Variants in SLIT3 observed in about 807,000 individuals in gnomAD.
SLIT3 encodes slit homolog 3 protein.
A neutral mutation model predicts 184.0 loss-of-function variants in SLIT3; 68 were observed. The ratio of observed to expected loss-of-function variants is 0.37; its 90% CI spans 0.30 to 0.45. The LOEUF is 0.45. SLIT3 is among the 20% of genes least tolerant of loss of function. The pLI is 1.00. For synonymous variants in SLIT3, 831 were observed against 828.6 expected (o/e 1.00, Z -0.05); for missense variants, 1,707 against 2,026.0 (o/e 0.84, Z 3.02).
intron 4 of SLIT3, among the ~76,000 whole-genome samples, chr5:168,945,378 C>G (rs1289313272): frequency 6.6e-6 from 1 of 152,096 alleles, no homozygotes; most frequent in African/African-American, 2.4e-5. Flanking sequence ...GCTGGGACTA[C>G]AGGCATGTGC....
At chr5:169,294,536 G>C (rs1196962932) in intron 1 of SLIT3, among the ~76,000 whole-genome samples, 1 of 152,186 alleles carries the variant, frequency 6.6e-6, no homozygotes, top group Non-Finnish European at 1.5e-5. Flanking sequence ...GCTTCCACAG[G>C]GCTCTGGGTT....
intron 3 of SLIT3, among the ~76,000 whole-genome samples, chr5:169,204,717 G>T (rs1410996255): frequency 6.6e-6 from 1 of 152,146 alleles, no homozygotes; most frequent in African/African-American, 2.4e-5. Flanking sequence ...GTCTGTGGAG[G>T]GTCTCTTCTG....
chr5:169,220,018 C>T (rs563626538), intron 3 of SLIT3, among the ~76,000 whole-genome samples: 13 of 152,328 alleles, frequency 8.5e-5, no homozygotes, highest in African/African-American at 1.9e-4. Context: ...CACTCACACA[C>T]GAGGTGACCA....
At chr5:168,687,254 G>A (rs1029120925) in intron 29 of SLIT3, 138 bp from the exon 30 acceptor site, 3 of 962,188 alleles carry the variant, frequency 3.1e-6, no homozygotes, top group Non-Finnish European at 4.7e-6. Context: ...GCAAAGCCTG[G>A]CTCCACAGCA....
At chr5:168,800,718 T>C (rs1756739045) in intron 9 of SLIT3, among the ~76,000 whole-genome samples, 1 of 152,236 alleles carries the variant, frequency 6.6e-6, no homozygotes, top group South Asian at 2.1e-4. Flanking sequence ...GTGCTGTGTG[T>C]AGACACCTGG....
intron 4 of SLIT3, among the ~76,000 whole-genome samples, chr5:169,003,834 G>A (rs898356735): frequency 6.6e-6 from 1 of 152,008 alleles, no homozygotes; most frequent in African/African-American, 2.4e-5. Flanking sequence ...GATAAGTAAG[G>A]AACAGCTAAA....
chr5:168,960,973 T>G (rs1762984416), intron 4 of SLIT3, among the ~76,000 whole-genome samples: 1 of 152,234 alleles, frequency 6.6e-6, no homozygotes, highest in South Asian at 2.1e-4. Context: ...CAATTTGGAC[T>G]GTAAAGATGG....
At chr5:169,222,038 T>C (rs573498802) in intron 3 of SLIT3, among the ~76,000 whole-genome samples, 1 of 152,350 alleles carries the variant, frequency 6.6e-6, no homozygotes, top group South Asian at 2.1e-4. Context: ...TGTTGTCAAA[T>C]ACTCAAAAGC....
At chr5:169,149,318 T>G (rs1399817728) in intron 4 of SLIT3, among the ~76,000 whole-genome samples, 2 of 151,784 alleles carry the variant, frequency 1.3e-5, no homozygotes, top group Non-Finnish European at 2.9e-5. Flanking sequence ...CAGCCTAAAC[T>G]TATGAGAGAA....
At chr5:168,784,473 C>T (rs1756081505) in intron 12 of SLIT3, among the ~76,000 whole-genome samples, 1 of 152,132 alleles carries the variant, frequency 6.6e-6, no homozygotes, top group Non-Finnish European at 1.5e-5. Context: ...CTTTCAGCTT[C>T]ACTGAAACAA....
In SLIT3 at chr5:169,126,943, G is replaced by A. The variant is rs188716812; in HGVS notation, c.413+66536C>T. Among the ~76,000 whole-genome samples the A allele has an allele frequency of 6.5e-3, 595 of 91,496 alleles. 2 individuals carry two copies. Among genetic ancestry groups the A allele is most frequent in the African/African-American group, 0.02 (555 of 28,148 alleles). The allele number at this position is 91,496 out of a possible 152,430, so 60.0% of individuals were successfully genotyped here. On this transcript the variant is annotated intron_variant, in intron 4 of 35. Coordinates refer to ENST00000519560, the MANE Select transcript of SLIT3 (RefSeq NM_003062.4). Reference sequence around the variant, plus strand: ...CCACTGGGAGTCATCAGGACTTCACGATCCACATAATTACAATGAAAAGTC... The same window carrying A: ...CCACTGGGAGTCATCAGGACTTCACAATCCACATAATTACAATGAAAAGTC...
rs1272307864 is a variant in SLIT3 at position 168,806,464 on chromosome 5, G to A, written c.917C>T (p.Pro306Leu). ...CACTTACATTTCGACGATGCCCTCC[G>A]GCAAGTTGGCAGGAATCTCCATCAA... ...KGLMEIPANL[P>L]EGIVEIRLEQ... The change falls in exon 9 of 36, where the codon CCG becomes CTG. Residue 306 changes from proline to leucine, a missense_variant. Physicochemically the swap from Pro to Leu is moderately conservative, Grantham distance 98 (BLOSUM62 -3). Coordinates refer to ENST00000519560, the MANE Select transcript of SLIT3 (RefSeq NM_003062.4). The A allele has an allele frequency of 5.0e-6, 8 of 1,614,170 alleles. No individual in the cohort carries two copies. The highest frequency in any genetic ancestry group is 2.2e-5 in the East Asian group (1 of 44,866).
chr5:169,067,886 C>T (rs1352587255), intron 4 of SLIT3, among the ~76,000 whole-genome samples: 1 of 152,198 alleles, frequency 6.6e-6, no homozygotes, highest in Non-Finnish European at 1.5e-5. Context: ...GCTGCTAACG[C>T]TCAGGGCATC....
At chr5:169,103,164 G>C (rs555188788) in intron 4 of SLIT3, among the ~76,000 whole-genome samples, 7 of 152,212 alleles carry the variant, frequency 4.6e-5, no homozygotes, top group Non-Finnish European at 1.0e-4. Context: ...TTACAGAGGT[G>C]GAAACCAGAG....
chr5:168,910,601 C>T (rs1486184180), intron 4 of SLIT3, among the ~76,000 whole-genome samples: 1 of 151,820 alleles, frequency 6.6e-6, no homozygotes, highest in Non-Finnish European at 1.5e-5. Context: ...AAAAAATTAG[C>T]CGCGTGTGGT....
At chr5:168,788,622 G>A (rs761063544) in intron 11 of SLIT3, among the ~76,000 whole-genome samples, 3 of 151,330 alleles carry the variant, frequency 2.0e-5, no homozygotes, top group Non-Finnish European at 4.4e-5. Context: ...CTAACTCTGT[G>A]CCAAACACAG....
rs562057758 is a variant in SLIT3, at chr5:168,867,937, A to T, written c.485+15328T>A. Among the ~76,000 whole-genome samples, 5 of 152,354 alleles carry T rather than the reference A, an allele frequency of 3.3e-5. No homozygotes were observed. In the South Asian group the frequency reaches 1.0e-3, roughly 32 times the overall value. On this transcript the variant is annotated intron_variant, in intron 5 of 35. Transcript: ENST00000519560. ...GGAGGCATGATCTATATCAGAGGCCAGTAGTTGAATGGGACCCACAGATGA... is the reference window on the plus strand; with the variant it reads ...GGAGGCATGATCTATATCAGAGGCCTGTAGTTGAATGGGACCCACAGATGA...
intron 4 of SLIT3, among the ~76,000 whole-genome samples, chr5:169,183,298 G>A (rs920282221): frequency 1.3e-5 from 2 of 152,206 alleles, no homozygotes; most frequent in South Asian, 2.1e-4. Context: ...ACTTTCATAC[G>A]TAGTAAAGAG....
chr5:168,702,334 G>GAC (rs1561882624), intron 26 of SLIT3, among the ~76,000 whole-genome samples: 1 of 152,164 alleles, frequency 6.6e-6, no homozygotes, highest in African/African-American at 2.4e-5. Flanking sequence ...AGACAGGAAA[G>GAC]ACAGACTTAG....
Sources: allele counts gnomAD v4.1 joint callset (sites outside exome capture counted in the v4.1 genomes callset), GRCh38; gene constraint gnomAD v4.1.1; transcripts MANE v1.5; gene names NCBI Gene and HGNC (gene_info 2026-07-23, HGNC 2026-07-21).